Variants in RAP1GAP2 observed in about 807,000 individuals in gnomAD.
RAP1GAP2 encodes the protein rap1 GTPase-activating protein 2.
In RAP1GAP2, 27 loss-of-function variants were observed where a neutral mutation model predicts 95.0. That is an observed-to-expected ratio of 0.28 (90% CI 0.21 to 0.39). RAP1GAP2 has a LOEUF of 0.39. Among genes scored for constraint, RAP1GAP2 ranks in the 10% least tolerant of loss-of-function variants. The pLI, the probability that RAP1GAP2 is intolerant of heterozygous loss-of-function variation, is 1.00. For missense variants in RAP1GAP2, 771 were observed against 970.0 expected, an observed-to-expected ratio of 0.79 and a Z score of 2.72; for synonymous variants, 373 against 380.9, an observed-to-expected ratio of 0.98 and a Z score of 0.24.
chr17:2,813,973 A>G (rs1409157585), intron 2 of RAP1GAP2, among the ~76,000 whole-genome samples: 1 of 152,140 alleles, frequency 6.6e-6, no homozygotes, highest in East Asian at 1.9e-4. Context: ...AAAAAAAAGA[A>G]AAAAGAAAAG....
chr17:2,878,155 C>T (rs564690000), intron 2 of RAP1GAP2, among the ~76,000 whole-genome samples: 325 of 152,154 alleles, frequency 2.1e-3, no homozygotes, highest in African/African-American at 7.6e-3. Flanking sequence ...ATTATGTTGC[C>T]GGCCGGGGAC....
chr17:3,009,751 G>T lies in RAP1GAP2; in HGVS notation c.1494+1606G>T, dbSNP rs141753260. Among the ~76,000 whole-genome samples the T allele has an allele frequency of 2.5e-3, 386 of 152,286 alleles. 2 individuals are homozygous for T. Among genetic ancestry groups the T allele is most frequent in the African/African-American group, 8.2e-3 (340 of 41,560 alleles). On this transcript the variant is annotated intron_variant, in intron 17 of 24. Coordinates refer to ENST00000254695, the MANE Select transcript of RAP1GAP2 (RefSeq NM_015085.5). ...TTCCTGGGGCACCTGTTTCAGTGCT[G>T]ATGGACAGTGGGAGCCCGGGTGAAA...
intron 2 of RAP1GAP2, among the ~76,000 whole-genome samples, chr17:2,822,627 G>GTTT (rs66503004): frequency 2.3e-5 from 3 of 127,848 alleles, no homozygotes; most frequent in East Asian, 2.6e-4. Flanking sequence ...GTTTTTTTTT[G>GTTT]TTTTTTTTTT....
chr17:2,846,791 G>A (rs188718256), intron 2 of RAP1GAP2, among the ~76,000 whole-genome samples: 15 of 152,260 alleles, frequency 9.9e-5, no homozygotes, highest in Middle Eastern at 3.4e-3. Flanking sequence ...ACCCAGGTTC[G>A]TCTGACTGCA....
rs968522697 is a variant in RAP1GAP2 at position 2,927,376 on chromosome 17, A to C, written c.165+22008A>C. On this transcript the variant is annotated intron_variant, in intron 3 of 24. Coordinates refer to ENST00000254695, the MANE Select transcript of RAP1GAP2 (RefSeq NM_015085.5). ...CACCGTGTTAGCCAGGATGGTCTCG[A>C]TCTCCTGACCTCGTGATCCGCCCGC... Among the ~76,000 whole-genome samples, 5 of 151,220 alleles carry C rather than the reference A, an allele frequency of 3.3e-5. No individual in the cohort carries two copies. In the South Asian group the frequency reaches 6.3e-4, roughly 19 times the overall value.
At chr17:2,861,844 C>CG (rs1322163802) in intron 2 of RAP1GAP2, among the ~76,000 whole-genome samples, 2 of 152,112 alleles carry the variant, frequency 1.3e-5, no homozygotes, top group East Asian at 3.9e-4. Context: ...TTAGTAGAGA[C>CG]GGGGTTTCAC....
chr17:2,846,387 G>C (rs2071589392), intron 2 of RAP1GAP2, among the ~76,000 whole-genome samples: 1 of 152,090 alleles, frequency 6.6e-6, no homozygotes, highest in African/African-American at 2.4e-5. Flanking sequence ...CACTTGGGCT[G>C]CTTTCCGACT....
At chr17:2,972,603 A>AC (rs1436725395) in intron 8 of RAP1GAP2, among the ~76,000 whole-genome samples, 2 of 151,194 alleles carry the variant, frequency 1.3e-5, no homozygotes, top group Non-Finnish European at 2.9e-5. Flanking sequence ...CTTCTCAAAA[A>AC]AAAAAAAAAA....
intron 14 of RAP1GAP2, among the ~76,000 whole-genome samples, chr17:3,002,614 C>G (rs1465968302): frequency 2.6e-5 from 4 of 152,228 alleles, no homozygotes; most frequent in Admixed American, 1.3e-4. Flanking sequence ...GAGATTTCCT[C>G]TGGGACTGAG....
At chr17:2,891,823 T>TCTTTTC (rs1241669323) in intron 2 of RAP1GAP2, among the ~76,000 whole-genome samples, 1 of 114,522 alleles carries the variant, frequency 8.7e-6, no homozygotes, top group African/African-American at 3.4e-5. Flanking sequence ...TCTTTTTTTT[T>TCTTTTC]TTTTTTTTTT....
In RAP1GAP2 at chr17:3,027,180, C is replaced by G. The variant is rs1362646352; in HGVS notation, c.2107+110C>G. The G allele has an allele frequency of 7.2e-7, 1 of 1,380,546 alleles. No homozygotes were observed. Among genetic ancestry groups the G allele is most frequent in the Non-Finnish European group, 9.7e-7 (1 of 1,035,646 alleles). 85.5% of individuals were successfully genotyped at this position (1,380,546 alleles called of 1,614,324 possible). ...GAACTGGCCAGTTTTCACCCCTCCT[C>G]CCAGCTGTGAGGCCCTCCGCTCTGT... On this transcript the variant is annotated intron_variant, in intron 22 of 24. Coordinates refer to ENST00000254695, the MANE Select transcript of RAP1GAP2 (RefSeq NM_015085.5). The surrounding 1 kb of genome is among the most constrained non-coding windows in gnomAD (Gnocchi z 5.2).
intron 3 of RAP1GAP2, among the ~76,000 whole-genome samples, chr17:2,948,504 AGC>A (rs1246187790): frequency 6.6e-6 from 1 of 151,866 alleles, no homozygotes; most frequent in Admixed American, 6.6e-5. Flanking sequence ...CTGTGTGTAG[AGC>A]TGCTGTGGAC....
At chr17:2,997,738 C>T (rs948302376) in intron 13 of RAP1GAP2, among the ~76,000 whole-genome samples, 2 of 151,986 alleles carry the variant, frequency 1.3e-5, no homozygotes, top group East Asian at 3.9e-4. Context: ...GCCTGGCCAA[C>T]ATGGTGAAAC....
intron 2 of RAP1GAP2, among the ~76,000 whole-genome samples, chr17:2,802,231 C>T (rs965152366): frequency 2.6e-5 from 4 of 152,178 alleles, no homozygotes; most frequent in Admixed American, 2.6e-4. Flanking sequence ...GGTTGTGTAT[C>T]CCCTGGATGC....
In RAP1GAP2 at chr17:2,857,676, C is replaced by A. The variant is rs114113521; in HGVS notation, c.81-47608C>A. On this transcript the variant is annotated intron_variant, in intron 2 of 24. Coordinates refer to ENST00000254695, the MANE Select transcript of RAP1GAP2 (RefSeq NM_015085.5). This position sits in a 1 kb window ranked among gnomAD's most constrained non-coding sequence, Gnocchi z 4.0. ...TGGATGAAGCCTTCCTCAGAGACTG[C>A]GGTTTGGAAACCACTTTGATTTTCA... 2.0e-5 allele frequency among the ~76,000 whole-genome samples: 3 copies of A among 152,074 alleles called. No individual in the cohort carries two copies. Among genetic ancestry groups the A allele is most frequent in the African/African-American group, 7.3e-5 (3 of 41,372 alleles).
intron 3 of RAP1GAP2, among the ~76,000 whole-genome samples, chr17:2,939,518 A>T (rs2043412932): frequency 1.3e-5 from 2 of 152,228 alleles, no homozygotes; most frequent in South Asian, 4.1e-4. Context: ...AGGGCTTCCC[A>T]GTTCAGAGAA....
intron 2 of RAP1GAP2, among the ~76,000 whole-genome samples, chr17:2,816,718 A>G (rs2070045719): frequency 2.8e-5 from 2 of 71,572 alleles, no homozygotes; most frequent in South Asian, 7.7e-4. Context: ...TACATTTACA[A>G]TGCTGTGCAA....
chr17:2,955,945 T>C (rs924932598), intron 3 of RAP1GAP2, among the ~76,000 whole-genome samples: 2 of 152,276 alleles, frequency 1.3e-5, no homozygotes, highest in African/African-American at 2.4e-5. Flanking sequence ...TGAGCCTGTC[T>C]GTCTTTGTGC....
intron 3 of RAP1GAP2, among the ~76,000 whole-genome samples, chr17:2,942,601 G>A (rs1414100548): frequency 1.3e-5 from 2 of 152,082 alleles, no homozygotes; most frequent in Admixed American, 6.6e-5. Context: ...TGGAATGGCC[G>A]TGTGCTCTTC....
Sources: gnomAD v4.1 joint callset for allele counts (sites outside exome capture counted in the v4.1 genomes callset) on GRCh38, gnomAD v4.1.1 for gene constraint, Gnocchi (gnomAD v3.1) non-coding constraint, MANE v1.5 for transcripts, NCBI Gene and HGNC (gene_info 2026-07-23, HGNC 2026-07-21) for gene names.